The following PPP4R3B variants were observed in gnomAD, a reference collection of about 807,000 sequenced individuals.
PPP4R3B encodes the protein serine/threonine-protein phosphatase 4 regulatory subunit 3B.
Under a neutral mutation model 95.4 loss-of-function variants are expected in PPP4R3B, and 52 were observed. The ratio of observed to expected loss-of-function variants is 0.54; its 90% CI spans 0.44 to 0.69. The LOEUF (loss-of-function observed/expected upper bound fraction) is 0.69. Ranked by LOEUF, PPP4R3B falls within the 30% of genes least tolerant of loss-of-function variation. The probability of loss-of-function intolerance (pLI) is 0.00; values close to 1 mark genes in which losing one functional copy is unlikely to be tolerated. For missense variants in PPP4R3B, 1,003 were observed against 1,005.9 expected (o/e 1.00, Z 0.04); for synonymous variants, 407 against 343.9 (o/e 1.18, Z -2.03).
At chr2:55,562,735 A>G (rs142977577) in intron 15 of PPP4R3B, among the ~76,000 whole-genome samples, 243 of 152,348 alleles carry the variant, frequency 1.6e-3, no homozygotes, top group African/African-American at 5.5e-3. Flanking sequence ...GGATCATAAC[A>G]AAATTAGCCA....
At chr2:55,594,540 T>C (rs972685641) in intron 4 of PPP4R3B, among the ~76,000 whole-genome samples, 1 of 152,178 alleles carries the variant, frequency 6.6e-6, no homozygotes, top group East Asian at 1.9e-4. Context: ...TTTACAAATA[T>C]TTATAGTTCA....
intron 16 of PPP4R3B, among the ~76,000 whole-genome samples, chr2:55,554,399 A>G (rs552422010): frequency 1.3e-5 from 2 of 152,370 alleles, no homozygotes; most frequent in East Asian, 3.9e-4. Context: ...GTCACAATTT[A>G]CATTCTTACC....
At chr2:55,567,422 ATT>A (rs918254610) in intron 13 of PPP4R3B, among the ~76,000 whole-genome samples, 72 of 148,504 alleles carry the variant, frequency 4.8e-4, no homozygotes, top group South Asian at 8.5e-4. Context: ...CTACCAAATG[ATT>A]TTTTTTTTTG....
intron 12 of PPP4R3B, among the ~76,000 whole-genome samples, chr2:55,568,928 C>T (rs1002942776): frequency 2.0e-5 from 3 of 152,032 alleles, no homozygotes; most frequent in African/African-American, 7.2e-5. Context: ...GCAAGCCACC[C>T]AGGTGCCGAG....
intron 16 of PPP4R3B, among the ~76,000 whole-genome samples, chr2:55,554,141 T>C (rs1304693347): frequency 6.6e-6 from 1 of 152,168 alleles, no homozygotes; most frequent in Non-Finnish European, 1.5e-5. Context: ...CTCGGCTTAT[T>C]GCAACCTCTG....
intron 16 of PPP4R3B, among the ~76,000 whole-genome samples, chr2:55,550,350 G>A (rs555018688): frequency 6.6e-6 from 1 of 152,166 alleles, no homozygotes; most frequent in African/African-American, 2.4e-5. Flanking sequence ...GAGATGAACT[G>A]GTTCATTTCT....
At chr2:55,595,657 C>T (rs72921898) in intron 4 of PPP4R3B, among the ~76,000 whole-genome samples, 119 of 150,476 alleles carry the variant, frequency 7.9e-4, no homozygotes, top group African/African-American at 2.5e-3. Context: ...CAATACCTGG[C>T]TTAACAAATG....
At chr2:55,584,979 T>C (rs1689948633) in intron 7 of PPP4R3B, 72 bp downstream of exon 7, 1 of 1,094,378 alleles carries the variant, frequency 9.1e-7, no homozygotes, top group African/African-American at 1.6e-5. Flanking sequence ...TGTTATGTTT[T>C]TTCTCTCAAT....
At chr2:55,580,882 G>T (rs966626435) in intron 8 of PPP4R3B, among the ~76,000 whole-genome samples, 13 of 152,044 alleles carry the variant, frequency 8.6e-5, no homozygotes, top group Non-Finnish European at 1.8e-4. Context: ...AATGTCTTAG[G>T]TAATTAAGAT....
Position 55,585,127 on chromosome 2 carries a change from A to G in PPP4R3B, c.1157T>C (p.Ile386Thr), listed in dbSNP as rs1226876814. The G allele has an allele frequency of 1.2e-6, 2 of 1,611,328 alleles. No homozygotes were observed. Among genetic ancestry groups the G allele is most frequent in the Admixed American group, 1.7e-5 (1 of 59,724 alleles). Residue 386 changes from isoleucine (I) to threonine (T), a missense_variant, in exon 7 of 17, where the codon ATA becomes ACA. By Grantham distance (89) the Ile-to-Thr change is moderately conservative. This residue lies in a region of PPP4R3B where 695 missense variants were observed against 686.2 expected (regional missense o/e 1.01). Transcript: ENST00000616407. ...DLQVRSAATD[I>T]FSYLVEFSPS... ...ACTAAATTCTACTAGATAAGAAAAT[A>G]TATCTGTAGCAGCTGATCTGACTTG...
chr2:55,591,464 G>C, intron 4 of PPP4R3B: 1 of 935,998 alleles, frequency 1.1e-6, no homozygotes, highest in Non-Finnish European at 1.3e-6. Flanking sequence ...AATACTTTTA[G>C]TCTTAATATT....
At position 55,558,895 on chromosome 2, in the gene PPP4R3B, G is replaced by A. The variant is rs373358664; in HGVS notation, c.2334C>T (p.His778=). The change falls in exon 16 of 17, where the codon CAC becomes CAT. Residue 778 remains histidine, a synonymous_variant. Transcript: ENST00000616407. ...TTGTTCCATTAGCAGCACTGGCAGAGTGGGAGAAAGTAAATTTGAAGCCAC... is the reference window on the plus strand; with the variant it reads ...TTGTTCCATTAGCAGCACTGGCAGAATGGGAGAAAGTAAATTTGAAGCCAC... The part of the protein sequence containing the change: ...SPGGFKFTFS[H]SASAANGTNS... 1.2e-6 allele frequency: 2 copies of A among 1,614,012 alleles called. No individual in the cohort carries two copies. The highest frequency in any genetic ancestry group is 1.3e-5 in the African/African-American group (1 of 74,924).
chr2:55,558,753 T>G (rs1351408714), intron 16 of PPP4R3B, 22 bp downstream of exon 16: 1 of 1,478,868 alleles, frequency 6.8e-7, no homozygotes, highest in Admixed American at 2.2e-5. Flanking sequence ...GCAAAGTTTG[T>G]GTGTAATGCT....
intron 3 of PPP4R3B, among the ~76,000 whole-genome samples, chr2:55,601,141 CAAAAAA>C (rs397871165): frequency 1.0e-5 from 1 of 99,146 alleles, no homozygotes. Flanking sequence ...GACCATGTCT[CAAAAAA>C]AAAAAAAAAA....
chr2:55,557,986 A>G (rs1686073160), intron 16 of PPP4R3B, among the ~76,000 whole-genome samples: 1 of 152,192 alleles, frequency 6.6e-6, no homozygotes, highest in Admixed American at 6.5e-5. Flanking sequence ...TGCAGAGAAG[A>G]GCAGATTCAA....
At chr2:55,564,772 T>G (rs1574708424) in intron 14 of PPP4R3B, 130 bp downstream of exon 14, 1 of 1,054,692 alleles carries the variant, frequency 9.5e-7, no homozygotes, top group South Asian at 1.5e-5. Context: ...CGCCTTACCC[T>G]CCTATTCAAC....
intron 7 of PPP4R3B, among the ~76,000 whole-genome samples, chr2:55,584,226 G>A (rs904935505): frequency 6.6e-6 from 1 of 152,120 alleles, no homozygotes; most frequent in South Asian, 2.1e-4. Context: ...AATAAAAAAA[G>A]AGTACTTTTA....
intron 16 of PPP4R3B, among the ~76,000 whole-genome samples, chr2:55,551,289 G>T (rs985073246): frequency 6.6e-5 from 10 of 152,068 alleles, no homozygotes; most frequent in Admixed American, 5.2e-4. Flanking sequence ...AGGAGGTGGA[G>T]ATTGCACCAC....
intron 16 of PPP4R3B, among the ~76,000 whole-genome samples, chr2:55,551,889 A>G (rs1272739290): frequency 6.6e-6 from 1 of 152,226 alleles, no homozygotes; most frequent in Non-Finnish European, 1.5e-5. Context: ...TTTGTTTCTA[A>G]GCCAAACAAA....
Sources: gnomAD v4.1 joint callset for allele counts (sites outside exome capture counted in the v4.1 genomes callset) on GRCh38, gnomAD v4.1.1 for gene constraint, gnomAD v4.1.1 regional missense constraint, MANE v1.5 for transcripts, NCBI Gene and HGNC (gene_info 2026-07-23, HGNC 2026-07-21) for gene names.